LY86: variants seen among roughly 807,000 people sequenced by gnomAD.
The protein encoded by LY86 is MD-1, RP105-associated.
LY86 carries 20 observed loss-of-function variants against 17.3 expected under a neutral mutation model. The observed-to-expected ratio is 1.15, with a 90% CI of 0.81 to 1.68. The LOEUF (loss-of-function observed/expected upper bound fraction) is 1.68, where lower values mean the gene tolerates loss of function less well. LY86 is among the 40% of genes most tolerant of loss of function. LY86 has a pLI of 0.00. For missense variants in LY86, 200 were observed against 191.9 expected (o/e 1.04, Z -0.25); for synonymous variants, 74 against 70.6 (o/e 1.05, Z -0.24).
Position 6,626,450 on chromosome 6 carries a change from C to T in LY86, c.352+29C>T, listed in dbSNP as rs767441983. Reference sequence around the variant, plus strand: ...AGCCATCTGTCTTGCTCACTGCTGGCAGGGGCCTGCAGAGAGATAAACTCG... The same window carrying T: ...AGCCATCTGTCTTGCTCACTGCTGGTAGGGGCCTGCAGAGAGATAAACTCG... On this transcript the variant is annotated intron_variant, in intron 3 of 4. Transcript: ENST00000230568. 13 of 1,610,710 alleles carry T rather than the reference C, an allele frequency of 8.1e-6. No individual in the cohort carries two copies. The Middle Eastern group carries it at 6.8e-4, about 84-fold the overall frequency.
intron 1 of LY86, among the ~76,000 whole-genome samples, chr6:6,619,540 A>C (rs770479255): frequency 6.6e-6 from 1 of 152,254 alleles, no homozygotes; most frequent in African/African-American, 2.4e-5. Context: ...CAGTCTTGCC[A>C]GTGCAGCTAA....
At chr6:6,604,013 G>T (rs1023065529) in intron 1 of LY86, among the ~76,000 whole-genome samples, 1 of 152,056 alleles carries the variant, frequency 6.6e-6, no homozygotes, top group African/African-American at 2.4e-5. Context: ...CTAGGTTTGG[G>T]CCCCAAATGT....
chr6:6,652,280 G>A (rs541965989), intron 4 of LY86, among the ~76,000 whole-genome samples: 9 of 152,190 alleles, frequency 5.9e-5, no homozygotes, highest in African/African-American at 1.9e-4. Flanking sequence ...CAGGTCAGCC[G>A]TGGCTGGCCC....
intron 3 of LY86, among the ~76,000 whole-genome samples, chr6:6,639,085 A>G (rs1762002137): frequency 6.6e-6 from 1 of 152,164 alleles, no homozygotes; most frequent in African/African-American, 2.4e-5. Flanking sequence ...ACCATGGAAT[A>G]CTATGCAGCC....
At chr6:6,588,977 G>C (rs1236008676) in intron 1 of LY86, 107 bp downstream of exon 1, 1 of 1,385,122 alleles carries the variant, frequency 7.2e-7, no homozygotes, top group Non-Finnish European at 9.7e-7. Flanking sequence ...GAGGGGACCA[G>C]CAGCTGAACA....
At chr6:6,649,955 C>A (rs1050433246) in intron 4 of LY86, among the ~76,000 whole-genome samples, 11 of 152,178 alleles carry the variant, frequency 7.2e-5, no homozygotes, top group African/African-American at 2.7e-4. Context: ...GTACAAACCT[C>A]CCACTGAGAG....
At chr6:6,610,935 CCTT>C (rs1377375975) in intron 1 of LY86, among the ~76,000 whole-genome samples, 1 of 152,166 alleles carries the variant, frequency 6.6e-6, no homozygotes, top group African/African-American at 2.4e-5. Context: ...AAGGAAGGCT[CCTT>C]CTTTGAAAAT....
intron 3 of LY86, among the ~76,000 whole-genome samples, chr6:6,634,510 T>C (rs1327286919): frequency 2.6e-5 from 4 of 152,256 alleles, no homozygotes; most frequent in Non-Finnish European, 1.5e-5. Context: ...GATTCTGTTG[T>C]AATGCTCACT....
At position 6,649,691 on chromosome 6, in the gene LY86, T is replaced by C. The variant is rs1250314710; in HGVS notation, c.405+14T>C. ...ACTATTCCTCAGGTAAGATATTACT[T>C]ACTTCTTGTATTAAATAGTTTGTTT... On this transcript the variant is annotated intron_variant, in intron 4 of 4. Transcript: ENST00000230568. 6.8e-7 allele frequency: 1 copy of C among 1,472,044 alleles called. No homozygotes were observed. Among genetic ancestry groups the C allele is most frequent in the South Asian group, 1.2e-5 (1 of 86,744 alleles). 91.2% of individuals were successfully genotyped at this position (1,472,044 alleles called of 1,614,324 possible).
chr6:6,589,604 G>A (rs1047237674), intron 1 of LY86, among the ~76,000 whole-genome samples: 1 of 152,130 alleles, frequency 6.6e-6, no homozygotes, highest in African/African-American at 2.4e-5. Context: ...ACCACAGGCT[G>A]GGGACTTAAA....
chr6:6,600,045 C>T (rs1363562563), intron 1 of LY86, among the ~76,000 whole-genome samples: 1 of 152,158 alleles, frequency 6.6e-6, no homozygotes, highest in Non-Finnish European at 1.5e-5. Context: ...CTGTTTTGCC[C>T]AAGAGCCTAC....
intron 3 of LY86, among the ~76,000 whole-genome samples, chr6:6,632,381 CA>C (rs1250084317): frequency 6.6e-6 from 1 of 152,162 alleles, no homozygotes; most frequent in Non-Finnish European, 1.5e-5. Flanking sequence ...GGCCATAATT[CA>C]TTATTGGGTA....
chr6:6,627,495 G>C (rs1761813046), intron 3 of LY86, among the ~76,000 whole-genome samples: 1 of 152,182 alleles, frequency 6.6e-6, no homozygotes, highest in Non-Finnish European at 1.5e-5. Context: ...CCTCCCGAGT[G>C]TGTGGCACAT....
At chr6:6,604,936 ACAAT>A (rs747324387) in intron 1 of LY86, among the ~76,000 whole-genome samples, 26 of 152,310 alleles carry the variant, frequency 1.7e-4, no homozygotes, top group African/African-American at 3.4e-4. Context: ...AGAGAAAATA[ACAAT>A]CAACGTAGAA....
intron 1 of LY86, among the ~76,000 whole-genome samples, chr6:6,594,982 A>G (rs1376806705): frequency 2.0e-5 from 3 of 152,154 alleles, no homozygotes; most frequent in Non-Finnish European, 4.4e-5. Context: ...AAGTCATGCC[A>G]TCAGATCCCA....
intron 1 of LY86, among the ~76,000 whole-genome samples, chr6:6,606,916 G>C (rs997481003): frequency 1.3e-5 from 2 of 152,286 alleles, no homozygotes; most frequent in Non-Finnish European, 2.9e-5. Flanking sequence ...CGTGGACAGA[G>C]TGGGCACCGA....
chr6:6,601,901 G>A (rs1390926098), intron 1 of LY86, among the ~76,000 whole-genome samples: 4 of 152,114 alleles, frequency 2.6e-5, no homozygotes, highest in African/African-American at 7.2e-5. Flanking sequence ...TAGAGGTGCA[G>A]CCTCCTAATT....
Position 6,654,702 on chromosome 6 carries a change from G to A in LY86, c.*75G>A, listed in dbSNP as rs1051628499. 9 of 1,266,126 alleles carry A rather than the reference G, an allele frequency of 7.1e-6. No individual in the cohort carries two copies. Among genetic ancestry groups the A allele is most frequent in the African/African-American group, 1.5e-5 (1 of 67,740 alleles). The allele number at this position is 1,266,126 out of a possible 1,614,324, so 78.4% of individuals were successfully genotyped here. On this transcript the variant is annotated 3_prime_UTR_variant, in exon 5 of 5. Coordinates refer to ENST00000230568, the MANE Select transcript of LY86 (RefSeq NM_004271.4). ...AAGCTCCTCTGACTGAACCTACTGT[G>A]GGAGGAGAAGCAGCTGATGACAGAG...
chr6:6,605,919 C>G (rs1045269407), intron 1 of LY86, among the ~76,000 whole-genome samples: 37 of 152,282 alleles, frequency 2.4e-4, no homozygotes, highest in Non-Finnish European at 2.6e-4. Context: ...AGGAATGAAG[C>G]TGCAGACCTT....
Sources: allele counts gnomAD v4.1 joint callset (sites outside exome capture counted in the v4.1 genomes callset), GRCh38; gene constraint gnomAD v4.1.1; transcripts MANE v1.5; gene names NCBI Gene and HGNC (gene_info 2026-07-23, HGNC 2026-07-21).